RALGPS1: variants seen among roughly 807,000 people sequenced by gnomAD.
The protein encoded by RALGPS1 is ras-specific guanine nucleotide-releasing factor RalGPS1.
In RALGPS1, 19 loss-of-function variants were observed where a neutral mutation model predicts 78.8. The observed-to-expected ratio is 0.24, with a 90% CI of 0.17 to 0.35. The LOEUF (loss-of-function observed/expected upper bound fraction) is 0.35. RALGPS1 is among the 10% of genes least tolerant of loss of function. RALGPS1 has a pLI of 1.00. For missense variants in RALGPS1, 454 were observed against 688.3 expected (o/e 0.66, Z 3.81); for synonymous variants, 228 against 256.3 (o/e 0.89, Z 1.06).
chr9:127,145,064 A>G (rs374445111), intron 8 of RALGPS1, among the ~76,000 whole-genome samples: 2 of 152,358 alleles, frequency 1.3e-5, no homozygotes, highest in African/African-American at 4.8e-5. Flanking sequence ...GAGTAAGGCA[A>G]AAATAGCCTT....
chr9:126,980,094 A>G (rs370203642), intron 4 of RALGPS1, among the ~76,000 whole-genome samples: 1 of 152,144 alleles, frequency 6.6e-6, no homozygotes, highest in African/African-American at 2.4e-5. Flanking sequence ...TTTGCTCCTC[A>G]TTGTCAAAAC....
chr9:126,939,852 G>A (rs925233151), intron 1 of RALGPS1, among the ~76,000 whole-genome samples: 1 of 152,268 alleles, frequency 6.6e-6, no homozygotes, highest in Non-Finnish European at 1.5e-5. Context: ...GCAGAGGAAG[G>A]CCATGGACCC....
intron 1 of RALGPS1, among the ~76,000 whole-genome samples, chr9:126,930,681 A>C (rs532902536): frequency 8.9e-4 from 135 of 152,108 alleles, no homozygotes; most frequent in African/African-American, 3.2e-3. Flanking sequence ...CTGGTCTTGA[A>C]CTCCTGGCCT....
At chr9:126,927,102 T>G (rs2035354467) in intron 1 of RALGPS1, among the ~76,000 whole-genome samples, 1 of 152,122 alleles carries the variant, frequency 6.6e-6, no homozygotes, top group Non-Finnish European at 1.5e-5. Flanking sequence ...CTCTAGAGCA[T>G]CAGAGTCCTC....
At chr9:126,948,700 G>T (rs531645673) in intron 1 of RALGPS1, among the ~76,000 whole-genome samples, 1 of 152,170 alleles carries the variant, frequency 6.6e-6, no homozygotes, top group South Asian at 2.1e-4. Context: ...CCTGTCACAG[G>T]ATGGCTGCCT....
chr9:127,170,242 C>A (rs2059500076), intron 10 of RALGPS1, among the ~76,000 whole-genome samples: 1 of 152,170 alleles, frequency 6.6e-6, no homozygotes, highest in African/African-American at 2.4e-5. Flanking sequence ...CAGTGTCCCA[C>A]CTGGTCAGCT....
At chr9:126,972,723 G>T (rs1275312234) in intron 3 of RALGPS1, among the ~76,000 whole-genome samples, 3 of 152,142 alleles carry the variant, frequency 2.0e-5, no homozygotes, top group Non-Finnish European at 4.4e-5. Context: ...TGTATTACAA[G>T]GAATATAAAG....
intron 8 of RALGPS1, among the ~76,000 whole-genome samples, chr9:127,075,501 C>T (rs1236258835): frequency 1.3e-5 from 2 of 152,208 alleles, no homozygotes; most frequent in Non-Finnish European, 2.9e-5. Context: ...GTGTATTCTT[C>T]TCAAAAATGC....
intron 4 of RALGPS1, among the ~76,000 whole-genome samples, chr9:127,007,461 A>G (rs1017626441): frequency 3.9e-5 from 6 of 152,190 alleles, no homozygotes; most frequent in Admixed American, 1.3e-4. Context: ...TTAATAAAGA[A>G]TGGTAGGGGC....
At chr9:127,094,025 G>A in intron 8 of RALGPS1, 1 of 1,373,284 alleles carries the variant, frequency 7.3e-7, no homozygotes, top group East Asian at 2.4e-5. Context: ...TGAGGCTCCA[G>A]CTGGGAGCCA....
chr9:127,119,793 G>T (rs528985682), intron 8 of RALGPS1, among the ~76,000 whole-genome samples: 1 of 152,156 alleles, frequency 6.6e-6, no homozygotes, highest in African/African-American at 2.4e-5. Flanking sequence ...TGCCTCATTA[G>T]TAGTAAGTAG....
At chr9:126,935,385 G>A (rs937642125) in intron 1 of RALGPS1, among the ~76,000 whole-genome samples, 1 of 152,162 alleles carries the variant, frequency 6.6e-6, no homozygotes, top group African/African-American at 2.4e-5. Context: ...GAGCTAACCA[G>A]AGAATAAGGG....
At chr9:127,088,928 G>A in intron 8 of RALGPS1, 4 of 1,614,196 alleles carry the variant, frequency 2.5e-6, no homozygotes, top group Non-Finnish European at 3.4e-6. Context: ...AGGTCAGGAG[G>A]GGGAGCTGGC....
chr9:127,156,226 A>C (rs1480034594), intron 8 of RALGPS1, among the ~76,000 whole-genome samples: 1 of 152,240 alleles, frequency 6.6e-6, no homozygotes, highest in African/African-American at 2.4e-5. Context: ...TATAAATTAC[A>C]AACAATGCTG....
intron 3 of RALGPS1, among the ~76,000 whole-genome samples, chr9:126,973,636 A>T (rs2040328619): frequency 6.6e-6 from 1 of 152,076 alleles, no homozygotes; most frequent in Non-Finnish European, 1.5e-5. Flanking sequence ...CTATCTTAAC[A>T]TTTTTCAGTG....
At position 127,222,282 on chromosome 9, in the gene RALGPS1, G is replaced by C. The variant is rs555737634; in HGVS notation, c.*3513G>C. ...GATTCCTCTAGAAAGGCATCAAAAG[G>C]CTCAACAGACTGAATGGCCTCTTGG... On this transcript the variant is annotated 3_prime_UTR_variant, in exon 19 of 19. Transcript: ENST00000259351. 1 of 152,292 alleles carries C rather than the reference G, an allele frequency of 6.6e-6. No individual in the cohort carries two copies. The highest frequency in any genetic ancestry group is 2.1e-4 in the South Asian group (1 of 4,820). 9.4% of individuals were successfully genotyped at this position (152,292 alleles called of 1,614,324 possible). A position where few individuals can be genotyped will look rare whatever the true frequency, so the allele number is the denominator to read the frequency against.
At chr9:126,958,142 A>AAAAAAAAAAAAAAAAAAT (rs113413659) in intron 1 of RALGPS1, among the ~76,000 whole-genome samples, 2 of 77,080 alleles carry the variant, frequency 2.6e-5, no homozygotes, top group Non-Finnish European at 5.5e-5. Context: ...AAAAAAAAAA[A>AAAAAAAAAAAAAAAAAAT]ATATATATAT....
chr9:127,082,227 G>A (rs1207132955), intron 8 of RALGPS1, among the ~76,000 whole-genome samples: 3 of 152,216 alleles, frequency 2.0e-5, no homozygotes, highest in African/African-American at 4.8e-5. Flanking sequence ...TAGGATGTTC[G>A]GAGTAGCAAA....
intron 1 of RALGPS1, among the ~76,000 whole-genome samples, chr9:126,941,948 A>G (rs1353922207): frequency 6.6e-6 from 1 of 152,090 alleles, no homozygotes; most frequent in Non-Finnish European, 1.5e-5. Context: ...GCTTTGTTTG[A>G]ACTCTGGGCT....
Sources: gnomAD v4.1 joint callset for allele counts (sites outside exome capture counted in the v4.1 genomes callset) on GRCh38, gnomAD v4.1.1 for gene constraint, MANE v1.5 for transcripts, NCBI Gene and HGNC (gene_info 2026-07-23, HGNC 2026-07-21) for gene names.